FAM234A: variants seen among roughly 807,000 people sequenced by gnomAD.
FAM234A encodes protein FAM234A.
Under a neutral mutation model 49.1 loss-of-function variants are expected in FAM234A, and 42 were observed. The observed-to-expected ratio is 0.86, with a 90% CI of 0.67 to 1.11. The LOEUF (loss-of-function observed/expected upper bound fraction) is 1.11, where lower values mean the gene tolerates loss of function less well. Ranked by LOEUF, FAM234A falls within the 50% of genes least tolerant of loss-of-function variation. The pLI, the probability that FAM234A is intolerant of heterozygous loss-of-function variation, is 0.00. For missense variants in FAM234A, 815 were observed against 745.2 expected (o/e 1.09, Z -1.09); for synonymous variants, 369 against 316.2 (o/e 1.17, Z -1.77).
intron 1 of FAM234A, among the ~76,000 whole-genome samples, chr16:238,630 G>A (rs1356499476): frequency 5.3e-5 from 8 of 151,762 alleles, no homozygotes; most frequent in African/African-American, 1.2e-4. Context: ...GCCAGGCGTG[G>A]TGACGGGTGC....
chr16:262,901 C>A (rs886982128), intron 8 of FAM234A, among the ~76,000 whole-genome samples: 1 of 150,322 alleles, frequency 6.7e-6, no homozygotes, highest in Non-Finnish European at 1.5e-5. Context: ...TTCACTGCAA[C>A]CTCCGCCTCC....
chr16:236,910 T>A lies in FAM234A; in HGVS notation c.-140+2053T>A, dbSNP rs1045165107. Among the ~76,000 whole-genome samples, 3 of 148,948 alleles carry A rather than the reference T, an allele frequency of 2.0e-5. 1 individual carries two copies. Among genetic ancestry groups the A allele is most frequent in the African/African-American group, 7.4e-5 (3 of 40,772 alleles). On this transcript the variant is annotated intron_variant, in intron 1 of 12. Coordinates refer to ENST00000399932, the MANE Select transcript of FAM234A (RefSeq NM_032039.4). ...CCACAGCGAGACTGTCTCAAAAAAATAAAATAAAATAAATAAATAAATTAT... is the reference window on the plus strand; with the variant it reads ...CCACAGCGAGACTGTCTCAAAAAAAAAAAATAAAATAAATAAATAAATTAT...
Position 264,323 on chromosome 16 carries a change from C to T in FAM234A, c.1344+152C>T, listed in dbSNP as rs1272731375. ...GACAGTCAGGATGAGGTGGTGCAAG[C>T]TGAGGCAAAGTGACCTTAGAGGGGT... On this transcript the variant is annotated intron_variant, in intron 11 of 12. Transcript: ENST00000399932. 4.3e-6 allele frequency: 4 copies of T among 929,132 alleles called. No homozygotes were observed. The African/African-American group carries it at 5.0e-5, about 12-fold the overall frequency. 57.6% of individuals were successfully genotyped at this position (929,132 alleles called of 1,614,324 possible). A position where few individuals can be genotyped will look rare whatever the true frequency, so the allele number is the denominator to read the frequency against.
intron 11 of FAM234A, 79 bp downstream of exon 11, chr16:264,250 C>A: frequency 7.1e-7 from 1 of 1,409,188 alleles, no homozygotes; most frequent in Non-Finnish European, 9.4e-7. Context: ...GTGGAGTGCC[C>A]AGAAGCTCAT....
At chr16:242,482 G>C (rs1225688240) in intron 1 of FAM234A, among the ~76,000 whole-genome samples, 1 of 152,074 alleles carries the variant, frequency 6.6e-6, no homozygotes, top group Non-Finnish European at 1.5e-5. Context: ...CCAAAATGCT[G>C]GGTTTATAGG....
At chr16:244,706 G>C (rs1309131500) in intron 1 of FAM234A, among the ~76,000 whole-genome samples, 1 of 14,284 alleles carries the variant, frequency 7.0e-5, no homozygotes, top group African/African-American at 3.0e-4. Flanking sequence ...TTTTTTTTTT[G>C]AGACGGAATT....
rs145638171 is a variant in FAM234A, at chr16:265,598, T to A, written c.*576T>A. On this transcript the variant is annotated 3_prime_UTR_variant, in exon 13 of 13. Coordinates refer to ENST00000399932, the MANE Select transcript of FAM234A (RefSeq NM_032039.4). ...TTCCCGGAGCTACAGGGGGATCCTCTAGCATGGGGGGTGTGACTTGGTTCC... is the reference window on the plus strand; with the variant it reads ...TTCCCGGAGCTACAGGGGGATCCTCAAGCATGGGGGGTGTGACTTGGTTCC... 7.2e-4 allele frequency: 705 copies of A among 985,638 alleles called. 7 individuals carry two copies. The African/African-American group carries it at 9.2e-3, about 13-fold the overall frequency. 61.1% of individuals were successfully genotyped at this position (985,638 alleles called of 1,614,324 possible).
At chr16:260,865 C>T (rs945087391) in intron 5 of FAM234A, 3 of 346,688 alleles carry the variant, frequency 8.7e-6, no homozygotes, top group Non-Finnish European at 1.8e-5. Context: ...GGACGAGGAC[C>T]TGTGGTCAGT....
Position 263,276 on chromosome 16 carries a change from G to A in FAM234A, c.986G>A (p.Arg329His), listed in dbSNP as rs201719536. ...RMLSHSSGAV[R>H]YLMHVPGNAG... ...CTCCTGTCTAGCTCTGGAGCAGTGCGCTACCTGATGCATGTCCCAGGGAAC... is the reference window on the plus strand; with the variant it reads ...CTCCTGTCTAGCTCTGGAGCAGTGCACTACCTGATGCATGTCCCAGGGAAC... Residue 329 changes from arginine (R) to histidine (H), a missense_variant, in exon 9 of 13, where the codon CGC becomes CAC. Transcript: ENST00000399932. The A allele has an allele frequency of 2.4e-5, 38 of 1,612,788 alleles. No homozygotes were observed. The Admixed American group carries it at 2.5e-4, about 11-fold the overall frequency.
intron 2 of FAM234A, among the ~76,000 whole-genome samples, chr16:251,461 A>AC (rs980265973): frequency 6.6e-6 from 1 of 150,608 alleles, no homozygotes; most frequent in East Asian, 2.0e-4. Flanking sequence ...TGCAGCCTCC[A>AC]CCCCCCTGGG....
intron 2 of FAM234A, among the ~76,000 whole-genome samples, chr16:251,448 C>T (rs931269804): frequency 1.3e-5 from 2 of 151,844 alleles, no homozygotes; most frequent in Non-Finnish European, 2.9e-5. Flanking sequence ...GATCTCAGCT[C>T]ACTGCAGCCT....
chr16:264,947 G>T lies in FAM234A; in HGVS notation c.1584G>T (p.Leu528=), dbSNP rs765446859. The T allele has an allele frequency of 4.3e-6, 7 of 1,612,818 alleles. No individual in the cohort carries two copies. The highest frequency in any genetic ancestry group is 5.9e-6 in the Non-Finnish European group (7 of 1,179,806). Residue 528 remains leucine (L), a synonymous_variant, in exon 13 of 13, where the codon CTG becomes CTT. Transcript: ENST00000399932. ...DLVPSSRVVR[L]GEGGPDSDQA... is the part of the protein sequence containing the mutation. Reference sequence around the variant, plus strand: ...TCCCAAGCAGCAGGGTGGTCCGCCTGGGTGAGGGTGGGCCAGACAGTGACC... The same window carrying T: ...TCCCAAGCAGCAGGGTGGTCCGCCTTGGTGAGGGTGGGCCAGACAGTGACC...
chr16:256,789 C>G (rs1034644223), intron 3 of FAM234A, among the ~76,000 whole-genome samples: 8 of 148,462 alleles, frequency 5.4e-5, no homozygotes, highest in Admixed American at 4.1e-4. Context: ...GTTTCCCAGG[C>G]TGGAGTGCAA....
Position 254,516 on chromosome 16 carries a change from G to A in FAM234A, c.103G>A (p.Val35Met). Residue 35 changes from valine (V) to methionine (M), a missense_variant, in exon 3 of 13, where the codon GTG (valine) becomes ATG (methionine). Val to Met is a conservative substitution (Grantham distance 21). Transcript: ENST00000399932. ...AAATCCATCAAAAAATGAGGATAACGTGAAAAGCGCGCCTCCACAGTCCCG... is the reference window on the plus strand; with the variant it reads ...AAATCCATCAAAAAATGAGGATAACATGAAAAGCGCGCCTCCACAGTCCCG... ...LGNPSKNEDN[V>M]KSAPPQSRLS... 4 of 1,614,244 alleles carry A rather than the reference G, an allele frequency of 2.5e-6. No individual in the cohort carries two copies. Among genetic ancestry groups the A allele is most frequent in the Non-Finnish European group, 3.4e-6 (4 of 1,180,040 alleles).
intron 2 of FAM234A, 23 bp from the exon 3 acceptor site, chr16:254,358 G>C (rs1188943169): frequency 6.3e-7 from 1 of 1,595,758 alleles, no homozygotes; most frequent in South Asian, 1.1e-5. Flanking sequence ...TGGCCTCGCC[G>C]ACCTCTTGCT....
intron 1 of FAM234A, among the ~76,000 whole-genome samples, chr16:239,759 G>A (rs867445845): frequency 3.3e-5 from 5 of 152,154 alleles, no homozygotes; most frequent in Middle Eastern, 6.8e-3. Flanking sequence ...TCAGCTGTTC[G>A]CCCTCAACTT....
At position 252,185 on chromosome 16, in the gene FAM234A, G is replaced by GTT. The variant is rs35208632; in HGVS notation, c.-33-2181_-33-2180dup. Among the ~76,000 whole-genome samples, 28 of 119,836 alleles carry GTT rather than the reference G, an allele frequency of 2.3e-4. 1 individual carries two copies. In the South Asian group the frequency reaches 3.4e-3, roughly 15 times the overall value. 78.6% of individuals were successfully genotyped at this position (119,836 alleles called of 152,430 possible). On this transcript the variant is annotated intron_variant, in intron 2 of 12. Coordinates refer to ENST00000399932, the MANE Select transcript of FAM234A (RefSeq NM_032039.4). ...CCATGTCTCTGTTTTTCTGTTTTTTGTTTTTTTTTTTTTTTTGAGACAGAG... is the reference window on the plus strand; with the variant it reads ...CCATGTCTCTGTTTTTCTGTTTTTTGTTTTTTTTTTTTTTTTTTGAGACAGAG...
At chr16:259,213 A>G (rs944546824) in intron 3 of FAM234A, among the ~76,000 whole-genome samples, 3 of 152,294 alleles carry the variant, frequency 2.0e-5, no homozygotes, top group Middle Eastern at 3.4e-3. Flanking sequence ...GGAGGGATTT[A>G]TCCCTGAACA....
chr16:251,652 C>CAAT (rs1465663010), intron 2 of FAM234A, among the ~76,000 whole-genome samples: 2 of 144,832 alleles, frequency 1.4e-5, no homozygotes, highest in Non-Finnish European at 1.5e-5. Context: ...GCTGCGATTA[C>CAAT]AGGCATAAGC....
Sources: allele counts gnomAD v4.1 joint callset (sites outside exome capture counted in the v4.1 genomes callset), GRCh38; gene constraint gnomAD v4.1.1; transcripts MANE v1.5; gene names NCBI Gene and HGNC (gene_info 2026-07-23, HGNC 2026-07-21).